Variants in PCSK6 observed in about 807,000 individuals in gnomAD.
The protein encoded by PCSK6 is paired basic amino acid cleaving enzyme 4.
A neutral mutation model predicts 123.3 loss-of-function variants in PCSK6; 85 were observed. The observed-to-expected ratio is 0.69, with a 90% confidence interval of 0.58 to 0.83. The LOEUF is 0.83. PCSK6 is among the 40% of genes least tolerant of loss of function. The pLI is 0.00. For missense variants in PCSK6, 1,191 were observed against 1,282.3 expected (o/e 0.93, Z 1.09); for synonymous variants, 508 against 516.0 (o/e 0.98, Z 0.21).
chr15:101,482,766 C>A (rs2057921350), intron 1 of PCSK6, among the ~76,000 whole-genome samples: 1 of 152,088 alleles, frequency 6.6e-6, no homozygotes, highest in African/African-American at 2.4e-5. Flanking sequence ...GTCAGCTGAG[C>A]CACCTGCTCA....
chr15:101,327,823 G>C (rs889147680), intron 15 of PCSK6, among the ~76,000 whole-genome samples: 8 of 152,068 alleles, frequency 5.3e-5, no homozygotes, highest in Admixed American at 2.6e-4. Context: ...GTTTTCACTG[G>C]GGGGGCTTTG....
chr15:101,327,486 G>A (rs949084706), intron 15 of PCSK6, among the ~76,000 whole-genome samples: 2 of 152,290 alleles, frequency 1.3e-5, no homozygotes, highest in Middle Eastern at 3.4e-3. Context: ...CGGCCCAGGG[G>A]ACCCCGACAG....
chr15:101,416,806 T>C (rs2055903736), intron 6 of PCSK6, among the ~76,000 whole-genome samples: 1 of 152,240 alleles, frequency 6.6e-6, no homozygotes, highest in Non-Finnish European at 1.5e-5. Flanking sequence ...GTGTTGAGCC[T>C]GCAGGTGCAC....
At chr15:101,390,777 C>T (rs1542808) in intron 8 of PCSK6, among the ~76,000 whole-genome samples, 128,950 of 152,222 alleles carry the variant, frequency 0.85, 54,872 homozygotes, top group Admixed American at 0.87. Flanking sequence ...GTCTTGGCCT[C>T]GTGAGACTCA....
chr15:101,467,006 T>A (rs1017026914), intron 1 of PCSK6, among the ~76,000 whole-genome samples: 3 of 152,180 alleles, frequency 2.0e-5, no homozygotes, highest in Admixed American at 2.0e-4. Flanking sequence ...CTATGTGAAT[T>A]ATAACTTAAC....
intron 13 of PCSK6, among the ~76,000 whole-genome samples, chr15:101,353,521 T>C (rs992594618): frequency 1.3e-5 from 2 of 152,212 alleles, no homozygotes; most frequent in African/African-American, 4.8e-5. Context: ...CCTGCTGCTC[T>C]CTTGGATTTC....
In PCSK6 at chr15:101,325,022, C is replaced by T. The variant is rs2040218686; in HGVS notation, c.2205G>A (p.Leu735=). 6.2e-7 allele frequency: 1 copy of T among 1,610,862 alleles called. No individual in the cohort carries two copies. Among genetic ancestry groups the T allele is most frequent in the South Asian group, 1.1e-5 (1 of 91,034 alleles). ...TSRKCVSVCP[L]GYFGDTAARR... is the part of the protein sequence containing the mutation. ...TTGCTGCTGTGTCCCCAAAGTAGCC[C>T]AAGGGGCACACACTCACGCACTTCC... The change falls in exon 17 of 22, where the codon TTG becomes TTA. Residue 735 remains leucine, a synonymous_variant. Transcript: ENST00000611716.
chr15:101,391,294 C>A (rs761927586), intron 8 of PCSK6, among the ~76,000 whole-genome samples: 2 of 152,188 alleles, frequency 1.3e-5, no homozygotes, highest in Non-Finnish European at 2.9e-5. Flanking sequence ...TGTACTTGGG[C>A]TTGGTAAATG....
chr15:101,421,200 C>T (rs2056074233), intron 6 of PCSK6, among the ~76,000 whole-genome samples: 1 of 152,290 alleles, frequency 6.6e-6, no homozygotes, highest in East Asian at 1.9e-4. Context: ...CTCACCTCCG[C>T]CTCTCAAAGT....
chr15:101,436,406 C>T (rs10438489), intron 2 of PCSK6, among the ~76,000 whole-genome samples: 3 of 152,198 alleles, frequency 2.0e-5, no homozygotes, highest in South Asian at 4.1e-4. Flanking sequence ...TTGTAGCCAA[C>T]GCAAGGGAGA....
At chr15:101,413,071 C>T (rs1053869318) in intron 6 of PCSK6, among the ~76,000 whole-genome samples, 2 of 150,820 alleles carry the variant, frequency 1.3e-5, no homozygotes, top group Non-Finnish European at 2.9e-5. Flanking sequence ...TGGAAAAGTT[C>T]TCGAAGAAAT....
chr15:101,352,963 C>A (rs560767198), intron 13 of PCSK6, among the ~76,000 whole-genome samples: 1 of 152,262 alleles, frequency 6.6e-6, no homozygotes, highest in South Asian at 2.1e-4. Context: ...GGTTCCCAAC[C>A]TTTTTGGCAC....
chr15:101,389,433 T>G, intron 9 of PCSK6, 31 bp downstream of exon 9: 1 of 1,533,452 alleles, frequency 6.5e-7, no homozygotes, highest in South Asian at 1.1e-5. Context: ...AAACATTTTT[T>G]TTTTTTAGAA....
chr15:101,360,552 TCCCCTGGAACACACC>T (rs2041186299), intron 13 of PCSK6, among the ~76,000 whole-genome samples: 1 of 119,216 alleles, frequency 8.4e-6, no homozygotes, highest in African/African-American at 3.8e-5. Flanking sequence ...GGCCTTAGCA[TCCCCTGGAACACACC>T]AGGCACACTC....
chr15:101,406,445 A>T (rs1466022541), intron 6 of PCSK6, among the ~76,000 whole-genome samples: 5 of 152,148 alleles, frequency 3.3e-5, no homozygotes, highest in Admixed American at 3.3e-4. Context: ...TCCCCAACAC[A>T]TTTTGCTCAT....
chr15:101,410,221 G>A (rs2042906516), intron 6 of PCSK6, among the ~76,000 whole-genome samples: 1 of 152,194 alleles, frequency 6.6e-6, no homozygotes, highest in African/African-American at 2.4e-5. Context: ...GTGAGCCACT[G>A]TGCTTGGCCA....
chr15:101,485,688 C>T (rs749844819), intron 1 of PCSK6, among the ~76,000 whole-genome samples: 3 of 152,160 alleles, frequency 2.0e-5, no homozygotes, highest in African/African-American at 4.8e-5. Context: ...CATACAAGTT[C>T]CCACACATGC....
At chr15:101,321,188 T>C (rs1263732674) in intron 18 of PCSK6, among the ~76,000 whole-genome samples, 1 of 152,228 alleles carries the variant, frequency 6.6e-6, no homozygotes, top group Non-Finnish European at 1.5e-5. Context: ...GCCAGCGGAA[T>C]GCCTCCTTCC....
intron 6 of PCSK6, among the ~76,000 whole-genome samples, chr15:101,416,401 C>A (rs924685293): frequency 3.3e-5 from 5 of 152,344 alleles, no homozygotes; most frequent in Admixed American, 6.5e-5. Flanking sequence ...TAAAGCCATT[C>A]TGTTTTAAAA....
Sources: allele counts gnomAD v4.1 joint callset (sites outside exome capture counted in the v4.1 genomes callset), GRCh38; gene constraint gnomAD v4.1.1; transcripts MANE v1.5; gene names NCBI Gene and HGNC (gene_info 2026-07-23, HGNC 2026-07-21).